ABCG2: variants seen among roughly 807,000 people sequenced by gnomAD.
The protein encoded by ABCG2 is broad substrate specificity ATP-binding cassette transporter ABCG2.
ABCG2 carries 80 observed loss-of-function variants against 73.5 expected under a neutral mutation model. The ratio of observed to expected loss-of-function variants is 1.09; its 90% CI spans 0.91 to 1.31. The LOEUF is 1.31. Ranked by LOEUF, ABCG2 falls within the 50% of genes most tolerant of loss-of-function variation. The probability of loss-of-function intolerance (pLI) is 0.00; values close to 1 mark genes in which losing one functional copy is unlikely to be tolerated. For synonymous variants in ABCG2, 269 were observed against 282.4 expected, an observed-to-expected ratio of 0.95 and a Z score of 0.48; for missense variants, 796 against 786.2, an observed-to-expected ratio of 1.01 and a Z score of -0.15.
chr4:88,202,509 G>A (rs780993420), intron 1 of ABCG2, among the ~76,000 whole-genome samples: 31 of 151,272 alleles, frequency 2.0e-4, no homozygotes, highest in Non-Finnish European at 3.5e-4. Context: ...GCGTGAAAAG[G>A]AGAAAGGGGA....
intron 5 of ABCG2, among the ~76,000 whole-genome samples, chr4:88,123,924 T>A (rs1724196567): frequency 6.6e-6 from 1 of 152,148 alleles, no homozygotes; most frequent in Admixed American, 6.5e-5. Context: ...AAAGGTTGTG[T>A]TACCAACAAA....
intron 1 of ABCG2, among the ~76,000 whole-genome samples, chr4:88,192,867 T>C (rs1419145735): frequency 1.3e-5 from 2 of 151,344 alleles, no homozygotes; most frequent in East Asian, 3.9e-4. Context: ...ACCCACCACC[T>C]TGCCCAGCTA....
chr4:88,197,067 AAAAAAACC>A (rs1395272880), intron 1 of ABCG2, among the ~76,000 whole-genome samples: 2 of 151,872 alleles, frequency 1.3e-5, no homozygotes, highest in Non-Finnish European at 2.9e-5. Context: ...CAGGCTTACT[AAAAAAACC>A]AAGACCTAAT....
intron 1 of ABCG2, among the ~76,000 whole-genome samples, chr4:88,146,819 C>T (rs554834316): frequency 6.6e-6 from 1 of 151,164 alleles, no homozygotes; most frequent in African/African-American, 2.4e-5. Context: ...TGCAGTGAAT[C>T]GTGATTGTGC....
intron 1 of ABCG2, among the ~76,000 whole-genome samples, chr4:88,196,929 T>C (rs1728957423): frequency 6.6e-6 from 1 of 152,052 alleles, no homozygotes; most frequent in South Asian, 2.1e-4. Context: ...TATTGAGGTT[T>C]TATGGGCACT....
intron 5 of ABCG2, 118 bp from the exon 6 acceptor site, chr4:88,121,910 A>T: frequency 1.0e-6 from 1 of 992,846 alleles, no homozygotes; most frequent in Non-Finnish European, 1.5e-6. Flanking sequence ...ATTTATTCTG[A>T]ACAGCAAATA....
chr4:88,104,624 A>T (rs1055902654), intron 10 of ABCG2, among the ~76,000 whole-genome samples: 1 of 151,642 alleles, frequency 6.6e-6, no homozygotes, highest in African/African-American at 2.4e-5. Flanking sequence ...ACTATGTAGC[A>T]AACCTGCACA....
chr4:88,094,480 GC>G, intron 15 of ABCG2, 96 bp downstream of exon 15: 3 of 1,010,498 alleles, frequency 3.0e-6, no homozygotes, highest in South Asian at 1.5e-5. Flanking sequence ...AAAATTCAGT[GC>G]CCCTGGAAGG....
At chr4:88,199,590 T>C (rs969153782) in intron 1 of ABCG2, among the ~76,000 whole-genome samples, 6 of 152,326 alleles carry the variant, frequency 3.9e-5, no homozygotes, top group Middle Eastern at 3.4e-3. Context: ...GAATTCTGTA[T>C]ACTGTGAAAT....
chr4:88,216,855 C>T (rs986224899), intron 1 of ABCG2, among the ~76,000 whole-genome samples: 52 of 151,646 alleles, frequency 3.4e-4, no homozygotes, highest in African/African-American at 1.2e-3. Flanking sequence ...AATGGCGAAA[C>T]CCCCCTCTCT....
chr4:88,153,547 G>A (rs927463391), intron 1 of ABCG2, among the ~76,000 whole-genome samples: 6 of 144,572 alleles, frequency 4.2e-5, no homozygotes, highest in African/African-American at 1.5e-4. Context: ...AGGATGGTAA[G>A]GGATATAAAT....
At chr4:88,162,138 G>A (rs1009388777), upstream of ABCG2, among the ~76,000 whole-genome samples, 33 of 151,960 alleles carry the variant, frequency 2.2e-4, no homozygotes, top group African/African-American at 2.4e-4. Context: ...CTTGAGCCCC[G>A]GGGTTCAAGG....
intron 10 of ABCG2, 53 bp from the exon 11 acceptor site, chr4:88,101,372 A>G: frequency 1.3e-6 from 2 of 1,489,350 alleles, no homozygotes; most frequent in Non-Finnish European, 1.9e-6. Flanking sequence ...ATTCTTAGAC[A>G]GATTTTCTAC....
At chr4:88,166,357 A>G (rs1350081723) in intron 1 of ABCG2, among the ~76,000 whole-genome samples, 1 of 152,170 alleles carries the variant, frequency 6.6e-6, no homozygotes, top group Admixed American at 6.5e-5. Flanking sequence ...CCACAAAAGT[A>G]TATTTGCTTT....
intron 1 of ABCG2, among the ~76,000 whole-genome samples, chr4:88,181,124 C>T (rs1391913569): frequency 1.3e-5 from 2 of 151,768 alleles, no homozygotes; most frequent in East Asian, 1.9e-4. Flanking sequence ...ATGGGCTAGC[C>T]GGTGCGGTGG....
intron 10 of ABCG2, among the ~76,000 whole-genome samples, chr4:88,103,111 A>T (rs1253744516): frequency 1.3e-5 from 2 of 152,204 alleles, no homozygotes; most frequent in Non-Finnish European, 2.9e-5. Flanking sequence ...CATATAATTA[A>T]AATGAGTGAA....
chr4:88,218,328 T>C (rs929925759), intron 1 of ABCG2, among the ~76,000 whole-genome samples: 4 of 152,228 alleles, frequency 2.6e-5, no homozygotes, highest in Admixed American at 2.6e-4. Context: ...TCCTCCTCCG[T>C]CTAGAAAGTG....
intron 1 of ABCG2, among the ~76,000 whole-genome samples, chr4:88,170,939 C>T (rs1004720445): frequency 1.3e-5 from 2 of 152,032 alleles, no homozygotes; most frequent in Non-Finnish European, 2.9e-5. Flanking sequence ...ACTATGCAGC[C>T]ATAAAAAGGA....
At chr4:88,157,103 A>G (rs1726996187) in intron 1 of ABCG2, among the ~76,000 whole-genome samples, 2 of 152,200 alleles carry the variant, frequency 1.3e-5, no homozygotes, top group South Asian at 4.1e-4. Context: ...CTCAGTCTCA[A>G]AAAAAAGTAT....
Sources: gnomAD v4.1 joint callset for allele counts (sites outside exome capture counted in the v4.1 genomes callset) on GRCh38, gnomAD v4.1.1 for gene constraint, MANE v1.5 for transcripts, NCBI Gene and HGNC (gene_info 2026-07-23, HGNC 2026-07-21) for gene names.